OLFM1: variants seen among roughly 807,000 people sequenced by gnomAD.
The protein encoded by OLFM1 is noelin.
In OLFM1, 9 loss-of-function variants were observed where a neutral mutation model predicts 49.7. That is an observed-to-expected ratio of 0.18 (90% CI 0.11 to 0.32). The LOEUF is 0.32. Ranked by LOEUF, OLFM1 falls within the 10% of genes least tolerant of loss-of-function variation. OLFM1 has a pLI of 1.00. For synonymous variants in OLFM1, 240 were observed against 271.8 expected (o/e 0.88, Z 1.15); for missense variants, 369 against 661.8 (o/e 0.56, Z 4.85).
intron 1 of OLFM1, among the ~76,000 whole-genome samples, chr9:135,078,585 G>A (rs1395716375): frequency 6.6e-6 from 1 of 152,184 alleles, no homozygotes; most frequent in Admixed American, 6.6e-5. Flanking sequence ...GTCTTGCTCT[G>A]TGATTTTCAA....
intron 1 of OLFM1, among the ~76,000 whole-genome samples, chr9:135,078,833 C>T (rs947543605): frequency 6.6e-5 from 10 of 152,190 alleles, no homozygotes; most frequent in African/African-American, 2.4e-4. Flanking sequence ...CAACCTTGAA[C>T]CCAGATGGCC....
chr9:135,077,276 C>G, intron 1 of OLFM1: 1 of 1,445,456 alleles, frequency 6.9e-7, no homozygotes, highest in Non-Finnish European at 9.1e-7. Context: ...GACACCTTGG[C>G]AAAGAGATGG....
At chr9:135,086,511 C>A, upstream of OLFM1, 1 of 405,618 alleles carries the variant, frequency 2.5e-6, no homozygotes, top group South Asian at 1.8e-5. Flanking sequence ...TTTCAAATCC[C>A]ATCCAGGAAG....
upstream of OLFM1, chr9:135,087,546 G>GTCT: frequency 8.1e-7 from 1 of 1,229,786 alleles, no homozygotes; most frequent in Non-Finnish European, 1.1e-6. Context: ...CAGCAGCCAG[G>GTCT]GGGCGGCGGG....
chr9:135,081,253 C>G (rs1162427626), intron 1 of OLFM1, among the ~76,000 whole-genome samples: 2 of 152,138 alleles, frequency 1.3e-5, no homozygotes, highest in Non-Finnish European at 2.9e-5. Flanking sequence ...TCTGAGAAAC[C>G]TAAGTTCTGG....
intron 1 of OLFM1, chr9:135,077,298 T>C: frequency 6.9e-7 from 1 of 1,442,928 alleles, no homozygotes; most frequent in South Asian, 1.5e-5. Flanking sequence ...TGATTCTGGG[T>C]GGTCCTGGAC....
intron 5 of OLFM1, among the ~76,000 whole-genome samples, chr9:135,114,370 C>T (rs143472417): frequency 1.0e-3 from 158 of 152,160 alleles, no homozygotes; most frequent in African/African-American, 3.3e-3. Flanking sequence ...CCACCTTAGC[C>T]TCCCAAAATG....
At chr9:135,097,819 G>A (rs1271794382) in intron 3 of OLFM1, 1 of 1,613,474 alleles carries the variant, frequency 6.2e-7, no homozygotes, top group Non-Finnish European at 8.5e-7. Flanking sequence ...TGCAGTGACT[G>A]AAGAAGCAGT....
chr9:135,107,522 G>A (rs1187416602), intron 5 of OLFM1, among the ~76,000 whole-genome samples: 2 of 151,994 alleles, frequency 1.3e-5, no homozygotes, highest in Admixed American at 1.3e-4. Context: ...GCCCGGCCTC[G>A]CTCGGCCCCT....
At position 135,090,070 on chromosome 9, in the gene OLFM1, A is replaced by T. The variant is rs1830658943; in HGVS notation, c.151-125A>T. Reference sequence around the variant, plus strand: ...TTTGGGTCAAACATGTCTTGGGACCATTTCCTCCCATCTTTTCCTTGGGGG... The same window carrying T: ...TTTGGGTCAAACATGTCTTGGGACCTTTTCCTCCCATCTTTTCCTTGGGGG... On this transcript the variant is annotated intron_variant, in intron 1 of 5. Coordinates refer to ENST00000371793, the MANE Select transcript of OLFM1 (RefSeq NM_001282611.2). 8.8e-6 allele frequency: 8 copies of T among 907,952 alleles called. No individual in the cohort carries two copies. In the Admixed American group the frequency reaches 1.9e-4, roughly 22 times the overall value. The allele number at this position is 907,952 out of a possible 1,614,324, so 56.2% of individuals were successfully genotyped here.
At chr9:135,115,774 C>T (rs1315971981) in intron 5 of OLFM1, among the ~76,000 whole-genome samples, 1 of 152,232 alleles carries the variant, frequency 6.6e-6, no homozygotes, top group Non-Finnish European at 1.5e-5. Context: ...TGGAAAGTCA[C>T]CAAACCTCCC....
chr9:135,089,607 G>C (rs140661756), intron 1 of OLFM1, among the ~76,000 whole-genome samples: 60 of 152,352 alleles, frequency 3.9e-4, no homozygotes, highest in Middle Eastern at 3.4e-3. Flanking sequence ...TTCTCGGGTC[G>C]GTCTGTGCCA....
chr9:135,075,855 T>C (rs730539), intron 1 of OLFM1: 667,740 of 1,522,192 alleles, frequency 0.44, 149,232 homozygotes, highest in African/African-American at 0.65. Context: ...GCCCGGCCCC[T>C]CGGGAGCCCC....
chr9:135,114,605 G>A (rs1200880718), intron 5 of OLFM1, among the ~76,000 whole-genome samples: 1 of 151,454 alleles, frequency 6.6e-6, no homozygotes, highest in Non-Finnish European at 1.5e-5. Context: ...CAGGGATGGG[G>A]ACGGGGTGGA....
chr9:135,094,748 G>A (rs796920182), intron 2 of OLFM1, among the ~76,000 whole-genome samples: 25 of 152,174 alleles, frequency 1.6e-4, no homozygotes, highest in African/African-American at 3.9e-4. Flanking sequence ...TTTATTTGGC[G>A]GGGTGGAGGA....
intron 4 of OLFM1, among the ~76,000 whole-genome samples, chr9:135,101,353 C>A (rs571080967): frequency 1.3e-5 from 2 of 152,292 alleles, no homozygotes; most frequent in African/African-American, 4.8e-5. Context: ...TCCCTTCCTG[C>A]AGTAAGCCTG....
intron 5 of OLFM1, among the ~76,000 whole-genome samples, chr9:135,116,360 G>A (rs953058815): frequency 1.3e-5 from 2 of 152,118 alleles, no homozygotes; most frequent in African/African-American, 2.4e-5. Flanking sequence ...ACCGTGTGCC[G>A]ATTCTCCCTC....
exon 1 of OLFM1, chr9:135,075,631 C>G: frequency 9.6e-7 from 1 of 1,042,752 alleles, no homozygotes; most frequent in Non-Finnish European, 1.3e-6. Flanking sequence ...GCCGCCGGAG[C>G]CAGCGGAGCC....
At chr9:135,084,529 A>C (rs1289985394), upstream of OLFM1, among the ~76,000 whole-genome samples, 6 of 134,112 alleles carry the variant, frequency 4.5e-5, no homozygotes, top group Non-Finnish European at 4.8e-5. This position sits in a 1 kb window ranked among gnomAD's most constrained non-coding sequence, Gnocchi z 4.6. Context: ...CTCTCTCTCC[A>C]TTTCTTTGTC....
Sources: allele counts gnomAD v4.1 joint callset (sites outside exome capture counted in the v4.1 genomes callset), GRCh38; gene constraint gnomAD v4.1.1; non-coding constraint Gnocchi (gnomAD v3.1); transcripts MANE v1.5; gene names NCBI Gene and HGNC (gene_info 2026-07-23, HGNC 2026-07-21).